NFIX: variants seen among roughly 807,000 people sequenced by gnomAD.
NFIX encodes nuclear factor 1 X-type.
Under a neutral mutation model 53.3 loss-of-function variants are expected in NFIX, and 2 were observed. The ratio of observed to expected loss-of-function variants is 0.04; its 90% confidence interval spans 0.02 to 0.12. The LOEUF (loss-of-function observed/expected upper bound fraction) is 0.12. Among genes scored for constraint, NFIX ranks in the 10% least tolerant of loss-of-function variants. The pLI is 1.00. For synonymous variants in NFIX, 244 were observed against 289.0 expected, an observed-to-expected ratio of 0.84 and a Z score of 1.58; for missense variants, 310 against 674.5, an observed-to-expected ratio of 0.46 and a Z score of 5.99.
chr19:13,092,387 C>G (rs1345159610), intron 10 of NFIX, among the ~76,000 whole-genome samples: 1 of 152,152 alleles, frequency 6.6e-6, no homozygotes, highest in East Asian at 1.9e-4. Flanking sequence ...GCCGGGGAGC[C>G]CCCTTGGGGC....
At chr19:13,046,252 G>C (rs1052967487) in intron 2 of NFIX, among the ~76,000 whole-genome samples, 1 of 152,130 alleles carries the variant, frequency 6.6e-6, no homozygotes, top group Non-Finnish European at 1.5e-5. Context: ...ATGGAGGGTA[G>C]TCTGTGGGGC....
Position 13,001,482 on chromosome 19 carries a change from T to C in NFIX, c.27+5618T>C, listed in dbSNP as rs1056442409. Among the ~76,000 whole-genome samples the C allele has an allele frequency of 6.6e-6, 1 of 152,158 alleles. No individual in the cohort carries two copies. Among genetic ancestry groups the C allele is most frequent in the Non-Finnish European group, 1.5e-5 (1 of 68,026 alleles). On this transcript the variant is annotated intron_variant, in intron 1 of 10. Transcript: ENST00000592199. This position sits in a 1 kb window ranked among gnomAD's most constrained non-coding sequence, Gnocchi z 6.5. ...TGGCGCTGCGCACGTCAACGGGTAT[T>C]GGTGTACCGGTCACCATCTTTGTAT...
rs781608273 is a variant in NFIX at position 13,090,260 on chromosome 19, C to T, written c.1403-39C>T. The T allele has an allele frequency of 1.5e-5, 24 of 1,599,036 alleles. No homozygotes were observed. The highest frequency in any genetic ancestry group is 1.2e-4 in the South Asian group (11 of 90,792). ...GGCAGTGCCCAGGTGGGCCCCAAGG[C>T]CTGACAGGGTCTCTCCCTCTCTCCC... On this transcript the variant is annotated intron_variant, in intron 9 of 10. Transcript: ENST00000592199. The surrounding 1 kb of genome is among the most constrained non-coding windows in gnomAD (Gnocchi z 6.6).
intron 2 of NFIX, among the ~76,000 whole-genome samples, chr19:13,063,198 G>A (rs1402747734): frequency 6.6e-6 from 1 of 152,194 alleles, no homozygotes; most frequent in Non-Finnish European, 1.5e-5. Context: ...CCCCTGCCCT[G>A]GGCTAAAGTG....
In NFIX at chr19:13,001,616, A is replaced by T. The variant is rs2011701648; in HGVS notation, c.27+5752A>T. On this transcript the variant is annotated intron_variant, in intron 1 of 10. Coordinates refer to ENST00000592199, the MANE Select transcript of NFIX (RefSeq NM_001365902.3). The surrounding 1 kb of genome is among the most constrained non-coding windows in gnomAD (Gnocchi z 6.5). ...GGCAAAGAGTGTATCCGTGTGTCTC[A>T]CACACGTGTTGGCCTGTCCGTGTCA... Among the ~76,000 whole-genome samples the T allele has an allele frequency of 6.6e-6, 1 of 152,060 alleles. No homozygotes were observed. Among genetic ancestry groups the T allele is most frequent in the South Asian group, 2.1e-4 (1 of 4,830 alleles).
intron 1 of NFIX, among the ~76,000 whole-genome samples, chr19:13,010,228 C>G (rs79270975): frequency 3.4e-4 from 52 of 152,234 alleles, no homozygotes; most frequent in Non-Finnish European, 6.5e-4. Flanking sequence ...ATGGCCCGCT[C>G]AGGGGCCAGA....
chr19:12,999,954 G>T (rs1328048923), intron 1 of NFIX, among the ~76,000 whole-genome samples: 1 of 152,212 alleles, frequency 6.6e-6, no homozygotes, highest in Non-Finnish European at 1.5e-5. Context: ...GCCGGGATGG[G>T]GTAGCTCATG....
rs1277988907 is a variant in NFIX, at chr19:13,022,721, G to A, written c.28-2300G>A. 6.6e-6 allele frequency among the ~76,000 whole-genome samples: 1 copy of A among 152,102 alleles called. No homozygotes were observed. The highest frequency in any genetic ancestry group is 1.5e-5 in the Non-Finnish European group (1 of 68,004). ...CCAAGGCCTTCTGGGGCTCCCGCCC[G>A]CCAGCCCGCCGGGAGTCAGGCCTTT... is the stretch of plus-strand genomic sequence containing the variant. On this transcript the variant is annotated intron_variant, in intron 1 of 10. Coordinates refer to ENST00000592199, the MANE Select transcript of NFIX (RefSeq NM_001365902.3). This position sits in a 1 kb window ranked among gnomAD's most constrained non-coding sequence, Gnocchi z 4.5.
chr19:13,008,707 G>C (rs1326443183), intron 1 of NFIX, among the ~76,000 whole-genome samples: 1 of 152,188 alleles, frequency 6.6e-6, no homozygotes, highest in East Asian at 1.9e-4. Context: ...AAGCCAGCCA[G>C]GCCTGCAGTC....
chr19:13,055,989 T>TCTGTGGGGAGGC (rs1371000049), intron 2 of NFIX, among the ~76,000 whole-genome samples: 4 of 152,126 alleles, frequency 2.6e-5, no homozygotes, highest in African/African-American at 9.7e-5. Flanking sequence ...GTGTGAGTGG[T>TCTGTGGGGAGGC]CTGTGGGGAG....
chr19:13,073,831 T>G lies in NFIX; in HGVS notation c.698-75T>G, dbSNP rs1377207307. Reference sequence around the variant, plus strand: ...AACTCACCCTGGGCTTCTGGGAAGCTGTTCATGACAAAGAAACAGACCCCA... The same window carrying G: ...AACTCACCCTGGGCTTCTGGGAAGCGGTTCATGACAAAGAAACAGACCCCA... On this transcript the variant is annotated intron_variant, in intron 4 of 10. Coordinates refer to ENST00000592199, the MANE Select transcript of NFIX (RefSeq NM_001365902.3). This position sits in a 1 kb window ranked among gnomAD's most constrained non-coding sequence, Gnocchi z 4.5. The G allele has an allele frequency of 6.3e-7, 1 of 1,593,128 alleles. No homozygotes were observed. Among genetic ancestry groups the G allele is most frequent in the Admixed American group, 1.7e-5 (1 of 59,064 alleles).
rs947278947 is a variant in NFIX, at chr19:13,068,719, T to C, written c.560-4328T>C. On this transcript the variant is annotated intron_variant, in intron 2 of 10. Transcript: ENST00000592199. The surrounding 1 kb of genome is among the most constrained non-coding windows in gnomAD (Gnocchi z 4.2). ...GGGCCCATGCGGAGGGAGTCCAGTC[T>C]TATTGCCTGCTCCTTCGTAGCCCTC... 1.3e-5 allele frequency among the ~76,000 whole-genome samples: 2 copies of C among 152,250 alleles called. No homozygotes were observed. The highest frequency in any genetic ancestry group is 1.3e-4 in the Admixed American group (2 of 15,280).
chr19:13,034,468 C>T (rs1455120423), intron 2 of NFIX, among the ~76,000 whole-genome samples: 2 of 152,150 alleles, frequency 1.3e-5, no homozygotes, highest in African/African-American at 4.8e-5. Flanking sequence ...TGCTTCTTTT[C>T]ATATCTCCCT....
Position 13,078,941 on chromosome 19 carries a change from G to A in NFIX, c.1078+206G>A, listed in dbSNP as rs2145460735. On this transcript the variant is annotated intron_variant, in intron 7 of 10. Coordinates refer to ENST00000592199, the MANE Select transcript of NFIX (RefSeq NM_001365902.3). This position sits in a 1 kb window ranked among gnomAD's most constrained non-coding sequence, Gnocchi z 4.7. The stretch of plus-strand genomic sequence containing the variant: ...GAGGACCAGGCCGGGCCCCTGGGCT[G>A]CCCACCTGGCTCCTGAGCAACCTCC... Among the ~76,000 whole-genome samples, 1 of 152,374 alleles carries A rather than the reference G, an allele frequency of 6.6e-6. No homozygotes were observed. Among genetic ancestry groups the A allele is most frequent in the East Asian group, 1.9e-4 (1 of 5,188 alleles).
rs1484270598 is a variant in NFIX at position 13,051,400 on chromosome 19, G to A, written c.560-21647G>A. 6.6e-6 allele frequency among the ~76,000 whole-genome samples: 1 copy of A among 152,174 alleles called. No homozygotes were observed. The highest frequency in any genetic ancestry group is 1.5e-5 in the Non-Finnish European group (1 of 68,016). Reference sequence around the variant, plus strand: ...GTACTAGGGATGGAAGGGAAGAGGAGGGGAATGCTGTCTGACCTGACAGCA... The same window carrying A: ...GTACTAGGGATGGAAGGGAAGAGGAAGGGAATGCTGTCTGACCTGACAGCA... On this transcript the variant is annotated intron_variant, in intron 2 of 10. Transcript: ENST00000592199. The surrounding 1 kb of genome is among the most constrained non-coding windows in gnomAD (Gnocchi z 5.1).
Position 13,001,633 on chromosome 19 carries a change from T to C in NFIX, c.27+5769T>C, listed in dbSNP as rs1437595381. Among the ~76,000 whole-genome samples the C allele has an allele frequency of 6.6e-6, 1 of 152,190 alleles. No homozygotes were observed. The highest frequency in any genetic ancestry group is 1.9e-4 in the East Asian group (1 of 5,176). ...TGTGTCTCACACACGTGTTGGCCTGTCCGTGTCAACTTGTGTCCACATACG... is the reference window on the plus strand; with the variant it reads ...TGTGTCTCACACACGTGTTGGCCTGCCCGTGTCAACTTGTGTCCACATACG... On this transcript the variant is annotated intron_variant, in intron 1 of 10. Transcript: ENST00000592199. This position sits in a 1 kb window ranked among gnomAD's most constrained non-coding sequence, Gnocchi z 6.5.
At chr19:13,055,129 C>T (rs2145336367) in intron 2 of NFIX, among the ~76,000 whole-genome samples, 1 of 151,870 alleles carries the variant, frequency 6.6e-6, no homozygotes, top group East Asian at 1.9e-4. Flanking sequence ...TTTAGGAGAC[C>T]TCCCGCCGGC....
Position 13,003,930 on chromosome 19 carries a change from A to G in NFIX, c.27+8066A>G, listed in dbSNP as rs1384812636. Among the ~76,000 whole-genome samples the G allele has an allele frequency of 2.0e-5, 3 of 151,732 alleles. No homozygotes were observed. In the East Asian group the frequency reaches 5.8e-4, roughly 29 times the overall value. On this transcript the variant is annotated intron_variant, in intron 1 of 10. Transcript: ENST00000592199. The stretch of plus-strand genomic sequence containing the variant: ...GCTGGGACTACAGCCGAGCACCACC[A>G]TACCCAGCTAATTTTTAAATTTTTA...
In NFIX at chr19:13,002,088, C is replaced by G. The variant is rs1203365892; in HGVS notation, c.27+6224C>G. Among the ~76,000 whole-genome samples, 2 of 152,202 alleles carry G rather than the reference C, an allele frequency of 1.3e-5. No homozygotes were observed. The highest frequency in any genetic ancestry group is 2.9e-5 in the Non-Finnish European group (2 of 68,026). On this transcript the variant is annotated intron_variant, in intron 1 of 10. Coordinates refer to ENST00000592199, the MANE Select transcript of NFIX (RefSeq NM_001365902.3). This position sits in a 1 kb window ranked among gnomAD's most constrained non-coding sequence, Gnocchi z 6.1. ...GGGCCTGAGCCCACTATCCCCGCTG[C>G]CCCCACAGCCAGGCAGGCCCTGGGC...
Sources: gnomAD v4.1 joint callset for allele counts (sites outside exome capture counted in the v4.1 genomes callset) on GRCh38, gnomAD v4.1.1 for gene constraint, Gnocchi (gnomAD v3.1) non-coding constraint, MANE v1.5 for transcripts, NCBI Gene and HGNC (gene_info 2026-07-23, HGNC 2026-07-21) for gene names.